CBFA2T3: variants seen among roughly 807,000 people sequenced by gnomAD.
CBFA2T3 encodes transcriptional corepressor CBFA2T3.
CBFA2T3 carries 31 observed loss-of-function variants against 58.6 expected under a neutral mutation model. The ratio of observed to expected loss-of-function variants is 0.53; its 90% CI spans 0.40 to 0.71. CBFA2T3 has a LOEUF of 0.71. CBFA2T3 is among the 30% of genes least tolerant of loss of function. The pLI is 0.00. For synonymous variants in CBFA2T3, 531 were observed against 421.9 expected, an observed-to-expected ratio of 1.26 and a Z score of -3.17; for missense variants, 1,076 against 963.1, an observed-to-expected ratio of 1.12 and a Z score of -1.55.
intron 1 of CBFA2T3, among the ~76,000 whole-genome samples, chr16:88,911,455 C>T (rs183783916): frequency 2.2e-4 from 34 of 152,370 alleles, no homozygotes; most frequent in Admixed American, 1.5e-3. Flanking sequence ...TTCGTAAACT[C>T]AAAAGCCCTC....
At chr16:88,928,348 C>G (rs940690952) in intron 1 of CBFA2T3, among the ~76,000 whole-genome samples, 1 of 152,318 alleles carries the variant, frequency 6.6e-6, no homozygotes, top group Non-Finnish European at 1.5e-5. Context: ...CCAGGTGGAG[C>G]GGGCCCGGTC....
At chr16:88,924,363 C>T (rs930898714) in intron 1 of CBFA2T3, among the ~76,000 whole-genome samples, 5 of 152,202 alleles carry the variant, frequency 3.3e-5, no homozygotes, top group African/African-American at 4.8e-5. Context: ...TCCCTGGGGC[C>T]GCCGACCACA....
intron 1 of CBFA2T3, among the ~76,000 whole-genome samples, chr16:88,918,791 C>T (rs1970820432): frequency 6.6e-6 from 1 of 152,196 alleles, no homozygotes; most frequent in Non-Finnish European, 1.5e-5. Flanking sequence ...CAGGGGGTGC[C>T]GAGAACCTTG....
At chr16:88,921,455 G>A (rs976071830) in intron 1 of CBFA2T3, among the ~76,000 whole-genome samples, 1 of 152,214 alleles carries the variant, frequency 6.6e-6, no homozygotes, top group African/African-American at 2.4e-5. Context: ...GTGGCACGTG[G>A]CCAGCCGGGA....
intron 1 of CBFA2T3, among the ~76,000 whole-genome samples, chr16:88,915,764 A>G (rs1426432158): frequency 6.5e-5 from 8 of 123,582 alleles, no homozygotes; most frequent in African/African-American, 1.3e-4. Flanking sequence ...GTTAAGGGGG[A>G]AGTGCAGAGA....
intron 1 of CBFA2T3, among the ~76,000 whole-genome samples, chr16:88,973,742 A>C (rs960124699): frequency 9.8e-5 from 15 of 152,306 alleles, no homozygotes; most frequent in African/African-American, 3.4e-4. Context: ...CCCAGCCCCA[A>C]GGGCAAGGTC....
chr16:88,949,596 G>T lies in CBFA2T3; in HGVS notation c.151+27061C>A, dbSNP rs182823603. ...AAAGAAAAAGAAAGAAGATGGGCTGGGAGTGGGTGTGGGGACAAACGACAG... is the reference window on the plus strand; with the variant it reads ...AAAGAAAAAGAAAGAAGATGGGCTGTGAGTGGGTGTGGGGACAAACGACAG... On this transcript the variant is annotated intron_variant, in intron 1 of 11. Coordinates refer to ENST00000268679, the MANE Select transcript of CBFA2T3 (RefSeq NM_005187.6). Among the ~76,000 whole-genome samples the T allele has an allele frequency of 6.3e-4, 95 of 151,988 alleles. 1 individual carries two copies. The East Asian group carries it at 0.015, about 24-fold the overall frequency.
intron 1 of CBFA2T3, among the ~76,000 whole-genome samples, chr16:88,965,091 C>T (rs974804114): frequency 8.2e-6 from 1 of 121,788 alleles, no homozygotes; most frequent in East Asian, 1.9e-4. Flanking sequence ...ACCCATCTAT[C>T]CATCCATCCA....
intron 1 of CBFA2T3, among the ~76,000 whole-genome samples, chr16:88,907,109 C>T (rs911174795): frequency 1.4e-4 from 22 of 152,184 alleles, no homozygotes; most frequent in African/African-American, 5.1e-4. Context: ...ACGAGGCCTC[C>T]AGCATCCCTG....
chr16:88,968,221 G>A (rs1029059853), intron 1 of CBFA2T3, among the ~76,000 whole-genome samples: 11 of 152,324 alleles, frequency 7.2e-5, no homozygotes, highest in South Asian at 4.1e-4. Flanking sequence ...GGCCCTGGCC[G>A]CAGGACTGCC....
chr16:88,881,205 G>A (rs1051591573), intron 9 of CBFA2T3, 86 bp downstream of exon 9: 19 of 1,203,260 alleles, frequency 1.6e-5, no homozygotes, highest in South Asian at 1.5e-4. Context: ...CTGGTGTTTC[G>A]TTGCATTGCC....
Position 88,888,000 on chromosome 16 carries a change from T to A in CBFA2T3, c.712-1858A>T, listed in dbSNP as rs73254224. Among the ~76,000 whole-genome samples the A allele has an allele frequency of 6.9e-3, 1,051 of 152,284 alleles. 17 individuals carry two copies. Among genetic ancestry groups the A allele is most frequent in the African/African-American group, 0.024 (1,009 of 41,560 alleles). ...GCTCTGCCATAGAGGGGCTGTGGCC[T>A]TGGGCTGGTCATTTAACCTCTCTGA... On this transcript the variant is annotated intron_variant, in intron 5 of 11. Coordinates refer to ENST00000268679, the MANE Select transcript of CBFA2T3 (RefSeq NM_005187.6).
chr16:88,901,462 C>G (rs1970093928), intron 2 of CBFA2T3, 42 bp downstream of exon 2: 1 of 1,197,316 alleles, frequency 8.4e-7, no homozygotes, highest in South Asian at 1.7e-5. Context: ...AGGGCCTCCC[C>G]TGAAACACCT....
At chr16:88,936,098 C>T (rs1224248442) in intron 1 of CBFA2T3, among the ~76,000 whole-genome samples, 1 of 152,174 alleles carries the variant, frequency 6.6e-6, no homozygotes, top group Non-Finnish European at 1.5e-5. Flanking sequence ...GCTTCCCCTG[C>T]TGGCTTGATG....
At chr16:88,974,752 C>A (rs566698384) in intron 1 of CBFA2T3, among the ~76,000 whole-genome samples, 18 of 152,056 alleles carry the variant, frequency 1.2e-4, no homozygotes, top group Non-Finnish European at 2.2e-4. Flanking sequence ...TGTCCAGGAC[C>A]CCCCGCAGTT....
intron 1 of CBFA2T3, among the ~76,000 whole-genome samples, chr16:88,918,353 C>A (rs928635462): frequency 3.3e-5 from 5 of 152,210 alleles, no homozygotes; most frequent in Non-Finnish European, 1.5e-5. Flanking sequence ...GTCCTCTTGC[C>A]CTGGCATCAG....
chr16:88,975,628 A>C (rs766597245), intron 1 of CBFA2T3, among the ~76,000 whole-genome samples: 17 of 152,226 alleles, frequency 1.1e-4, no homozygotes, highest in Admixed American at 2.6e-4. Flanking sequence ...CATTCGGGAG[A>C]AACGAACAGT....
intron 1 of CBFA2T3, chr16:88,940,949 T>G (rs981298460): frequency 1.3e-5 from 10 of 792,670 alleles, no homozygotes; most frequent in Non-Finnish European, 1.5e-5. Flanking sequence ...GCGGCGCAGA[T>G]CCGGGAACGG....
In CBFA2T3 at chr16:88,885,949, G is replaced by A. The variant is rs1159119425; in HGVS notation, c.893+12C>T. ...GGCACCCCCAGCCCAGATCCCCGGA[G>A]CCCACAGGTACCTGTCGGGCGTCCT... is the stretch of plus-strand genomic sequence containing the variant. On this transcript the variant is annotated intron_variant, in intron 6 of 11. Coordinates refer to ENST00000268679, the MANE Select transcript of CBFA2T3 (RefSeq NM_005187.6). This position sits in a 1 kb window ranked among gnomAD's most constrained non-coding sequence, Gnocchi z 5.3. 9.1e-6 allele frequency: 14 copies of A among 1,545,952 alleles called. No homozygotes were observed. The highest frequency in any genetic ancestry group is 8.3e-5 in the South Asian group (7 of 83,956).
Sources: gnomAD v4.1 joint callset for allele counts (sites outside exome capture counted in the v4.1 genomes callset) on GRCh38, gnomAD v4.1.1 for gene constraint, Gnocchi (gnomAD v3.1) non-coding constraint, MANE v1.5 for transcripts, NCBI Gene and HGNC (gene_info 2026-07-23, HGNC 2026-07-21) for gene names.